KIF16B: variants seen among roughly 807,000 people sequenced by gnomAD.
The protein encoded by KIF16B is kinesin-like protein KIF16B.
KIF16B carries 98 observed loss-of-function variants against 156.3 expected under a neutral mutation model. That is an observed-to-expected ratio of 0.63 (90% confidence interval 0.53 to 0.74). The LOEUF is 0.74. Among genes scored for constraint, KIF16B ranks in the 30% least tolerant of loss-of-function variants. The pLI, the probability that KIF16B is intolerant of heterozygous loss-of-function variation, is 0.00. For synonymous variants in KIF16B, 564 were observed against 583.7 expected (o/e 0.97, Z 0.49); for missense variants, 1,421 against 1,606.5 (o/e 0.88, Z 1.97).
rs2065899867 is a variant in KIF16B at position 16,410,076 on chromosome 20, T to TATATATATATGTACGTAC, written c.1613-3621_1613-3620insGTACGTACATATATATAT. On this transcript the variant is annotated intron_variant, in intron 15 of 25. Coordinates refer to ENST00000354981, the MANE Select transcript of KIF16B (RefSeq NM_024704.5). ...GTACATATATATATATGTAGGTACA[T>TATATATATATGTACGTAC]ATATATATATGTAGGTACATATATA... Among the ~76,000 whole-genome samples the TATATATATATGTACGTAC allele has an allele frequency of 3.0e-5, 2 of 67,104 alleles. 1 individual carries two copies. The highest frequency in any genetic ancestry group is 1.7e-4 in the African/African-American group (2 of 11,926). 44.0% of individuals were successfully genotyped at this position (67,104 alleles called of 152,430 possible).
At chr20:16,324,467 C>T (rs2063814655) in intron 24 of KIF16B, among the ~76,000 whole-genome samples, 1 of 151,988 alleles carries the variant, frequency 6.6e-6, no homozygotes, top group Non-Finnish European at 1.5e-5. Flanking sequence ...CCTCAGGGTG[C>T]TGGCATTTCA....
At chr20:16,492,128 C>T (rs2068312747) in intron 12 of KIF16B, among the ~76,000 whole-genome samples, 2 of 152,298 alleles carry the variant, frequency 1.3e-5, no homozygotes, top group East Asian at 1.9e-4. Flanking sequence ...AGGAAACTGC[C>T]ACTGAGTTGG....
At chr20:16,297,458 T>C (rs2063404981) in intron 25 of KIF16B, among the ~76,000 whole-genome samples, 1 of 152,164 alleles carries the variant, frequency 6.6e-6, no homozygotes, top group Admixed American at 6.5e-5. Context: ...TTGGGGAGGC[T>C]GAGGCGGGCA....
chr20:16,337,157 G>T (rs1043413915), intron 23 of KIF16B, among the ~76,000 whole-genome samples: 8 of 152,158 alleles, frequency 5.3e-5, no homozygotes, highest in Non-Finnish European at 1.2e-4. Context: ...CCCTGAATGC[G>T]CATATTCTCT....
intron 12 of KIF16B, among the ~76,000 whole-genome samples, chr20:16,442,367 T>TAA (rs1568538831): frequency 1.3e-5 from 2 of 150,134 alleles, no homozygotes; most frequent in African/African-American, 4.9e-5. Context: ...TATATATATA[T>TAA]AAAATAGGTG....
At chr20:16,517,675 G>T (rs1450419857) in intron 3 of KIF16B, among the ~76,000 whole-genome samples, 2 of 152,160 alleles carry the variant, frequency 1.3e-5, no homozygotes, top group East Asian at 3.8e-4. Flanking sequence ...AGAAGCAAAA[G>T]TCAGGAACCC....
intron 19 of KIF16B, among the ~76,000 whole-genome samples, chr20:16,377,464 G>A (rs1321335725): frequency 6.6e-6 from 1 of 151,096 alleles, no homozygotes; most frequent in Non-Finnish European, 1.5e-5. Context: ...TGCACCTGGG[G>A]TCCCAGCCAC....
chr20:16,281,593 C>T (rs569051530), intron 25 of KIF16B, among the ~76,000 whole-genome samples: 1 of 152,302 alleles, frequency 6.6e-6, no homozygotes, highest in South Asian at 2.1e-4. Context: ...TAAAGTTTGG[C>T]TACACTGGGT....
chr20:16,366,509 G>C (rs902699621), intron 22 of KIF16B, among the ~76,000 whole-genome samples: 1 of 152,084 alleles, frequency 6.6e-6, no homozygotes, highest in Non-Finnish European at 1.5e-5. Flanking sequence ...AGCTGAAATC[G>C]CAAGAGTTAA....
intron 15 of KIF16B, among the ~76,000 whole-genome samples, chr20:16,424,308 C>G (rs1004256057): frequency 3.3e-5 from 5 of 152,036 alleles, no homozygotes; most frequent in Admixed American, 3.3e-4. Flanking sequence ...CCCAGGTTGG[C>G]GCTCCATCGC....
intron 12 of KIF16B, among the ~76,000 whole-genome samples, chr20:16,435,107 A>G (rs1357652154): frequency 6.6e-6 from 1 of 152,230 alleles, no homozygotes; most frequent in Non-Finnish European, 1.5e-5. Context: ...TATTATTAAT[A>G]TAAGAGGTAT....
intron 1 of KIF16B, among the ~76,000 whole-genome samples, chr20:16,532,615 T>C (rs6044080): frequency 0.4 from 61,197 of 152,042 alleles, 12,455 homozygotes; most frequent in African/African-American, 0.43. Flanking sequence ...CCTGGGTTTA[T>C]TTATATCACA....
chr20:16,344,686 A>C (rs118157290), intron 23 of KIF16B, among the ~76,000 whole-genome samples: 2,231 of 152,240 alleles, frequency 0.015, 32 homozygotes, highest in Non-Finnish European at 0.019. Flanking sequence ...AGGAGGGTAG[A>C]ATGAATTTAC....
In KIF16B at chr20:16,506,699, T is replaced by G. The variant is rs775247757; in HGVS notation, c.700-509A>C. Among the ~76,000 whole-genome samples the G allele has an allele frequency of 2.0e-5, 3 of 147,730 alleles. No homozygotes were observed. In the Admixed American group the frequency reaches 2.1e-4, roughly 10 times the overall value. ...TCCTCGCTTCTGAATTCTACCAAAA[T>G]TTTATATTCACAAATACTTCTGATC... On this transcript the variant is annotated intron_variant, in intron 7 of 25. Transcript: ENST00000354981.
At chr20:16,370,536 G>C (rs747283796) in intron 22 of KIF16B, 50 bp downstream of exon 22, 3 of 1,411,638 alleles carry the variant, frequency 2.1e-6, no homozygotes, top group Middle Eastern at 1.8e-4. Flanking sequence ...AATCACATGA[G>C]CATGCCATAA....
At chr20:16,300,661 A>T (rs1339186706) in intron 25 of KIF16B, among the ~76,000 whole-genome samples, 2 of 152,186 alleles carry the variant, frequency 1.3e-5, no homozygotes, top group Non-Finnish European at 2.9e-5. Flanking sequence ...TTGAACATGT[A>T]CCTTTTAAAA....
intron 12 of KIF16B, among the ~76,000 whole-genome samples, chr20:16,479,996 A>C (rs956104863): frequency 1.3e-5 from 2 of 152,174 alleles, no homozygotes; most frequent in African/African-American, 4.8e-5. Context: ...AGGGAGGAGG[A>C]GTACTGCCAG....
At chr20:16,559,315 A>G (rs1361365114) in intron 1 of KIF16B, among the ~76,000 whole-genome samples, 2 of 152,236 alleles carry the variant, frequency 1.3e-5, no homozygotes, top group Non-Finnish European at 2.9e-5. Flanking sequence ...GGATGCCAGG[A>G]GGCATAATTC....
chr20:16,567,915 G>A (rs1000730453), intron 1 of KIF16B, among the ~76,000 whole-genome samples: 1 of 152,182 alleles, frequency 6.6e-6, no homozygotes, highest in African/African-American at 2.4e-5. Context: ...TCGCGCCACT[G>A]CACTCCAGCC....
Sources: allele counts gnomAD v4.1 joint callset (sites outside exome capture counted in the v4.1 genomes callset), GRCh38; gene constraint gnomAD v4.1.1; transcripts MANE v1.5; gene names NCBI Gene and HGNC (gene_info 2026-07-23, HGNC 2026-07-21).